Variants in NTN1 observed in about 807,000 individuals in gnomAD.
NTN1 encodes netrin 1.
In NTN1, 11 loss-of-function variants were observed where a neutral mutation model predicts 54.2. The ratio of observed to expected loss-of-function variants is 0.20; its 90% CI spans 0.13 to 0.34. The LOEUF is 0.34. Among genes scored for constraint, NTN1 ranks in the 10% least tolerant of loss-of-function variants. NTN1 has a pLI of 1.00. For missense variants in NTN1, 740 were observed against 893.1 expected (o/e 0.83, Z 2.18); for synonymous variants, 371 against 382.0 (o/e 0.97, Z 0.33).
At chr17:9,228,325 AG>A (rs1905670163) in intron 6 of NTN1, among the ~76,000 whole-genome samples, 1 of 152,214 alleles carries the variant, frequency 6.6e-6, no homozygotes, top group Non-Finnish European at 1.5e-5. Flanking sequence ...GCATAGCACG[AG>A]GAAACGGGAG....
rs1273839289 is a variant in NTN1 at position 9,218,601 on chromosome 17, G to A, written c.1412-2567G>A. ...GGGACAGTGACGCTGAAGGGACAGG[G>A]GCAGGCTGTCCCAGGACTCATCTGC... On this transcript the variant is annotated intron_variant, in intron 5 of 6. Coordinates refer to ENST00000173229, the MANE Select transcript of NTN1 (RefSeq NM_004822.3). Among the ~76,000 whole-genome samples, 4 of 152,144 alleles carry A rather than the reference G, an allele frequency of 2.6e-5. No homozygotes were observed. In the South Asian group the frequency reaches 8.3e-4, roughly 32 times the overall value.
intron 5 of NTN1, among the ~76,000 whole-genome samples, chr17:9,193,935 A>AAAAAAAAAAAC (rs1555574987): frequency 6.5e-5 from 8 of 123,634 alleles, no homozygotes; most frequent in South Asian, 5.2e-4. Flanking sequence ...AAAAAAAAAA[A>AAAAAAAAAAAC]AAAAAAAAAC....
At chr17:9,167,756 G>A (rs2092377067) in intron 3 of NTN1, among the ~76,000 whole-genome samples, 1 of 128,952 alleles carries the variant, frequency 7.8e-6, no homozygotes, top group Non-Finnish European at 1.7e-5. Flanking sequence ...GGGAGGAAAT[G>A]AACACCACAG....
At chr17:9,005,081 C>A in the NTN1 span, among the ~76,000 whole-genome samples, 3 of 152,290 alleles carry the variant, frequency 2.0e-5, no homozygotes, top group South Asian at 6.2e-4. Flanking sequence ...GCACCGCTCC[C>A]ACCACTGACC....
intron 6 of NTN1, among the ~76,000 whole-genome samples, chr17:9,235,847 T>C (rs1905970753): frequency 6.6e-6 from 1 of 151,694 alleles, no homozygotes. Context: ...CTCTGCCTCT[T>C]GGGCTCAAGC....
intron 2 of NTN1, among the ~76,000 whole-genome samples, chr17:9,125,737 CT>C (rs2092245305): frequency 6.6e-6 from 1 of 151,984 alleles, no homozygotes; most frequent in Admixed American, 6.6e-5. Context: ...TCCCAAAGTG[CT>C]GAGATTACAG....
intron 2 of NTN1, among the ~76,000 whole-genome samples, chr17:9,085,064 G>C (rs1447819342): frequency 6.6e-6 from 1 of 152,220 alleles, no homozygotes; most frequent in Non-Finnish European, 1.5e-5. Flanking sequence ...GAAGTGAGCT[G>C]TGTGACTTGG....
chr17:9,109,051 A>G (rs1263028880), intron 2 of NTN1, among the ~76,000 whole-genome samples: 1 of 151,704 alleles, frequency 6.6e-6, no homozygotes, highest in East Asian at 1.9e-4. Context: ...TAATTTTTGT[A>G]TTTTTAGTAG....
At chr17:9,085,274 C>A (rs2092086585) in intron 2 of NTN1, among the ~76,000 whole-genome samples, 1 of 152,228 alleles carries the variant, frequency 6.6e-6, no homozygotes, top group African/African-American at 2.4e-5. Flanking sequence ...CTCTGGGGGG[C>A]TATCCTCAGC....
At chr17:9,057,935 T>G (rs2142204571) in intron 2 of NTN1, among the ~76,000 whole-genome samples, 1 of 152,382 alleles carries the variant, frequency 6.6e-6, no homozygotes, top group South Asian at 2.1e-4. Context: ...TTGTCCAGGC[T>G]GGAGTGCAGT....
intron 5 of NTN1, among the ~76,000 whole-genome samples, chr17:9,193,935 A>AACAAAAAAC (rs1555574989): frequency 1.5e-4 from 19 of 123,634 alleles, no homozygotes; most frequent in Admixed American, 1.4e-3. Context: ...AAAAAAAAAA[A>AACAAAAAAC]AAAAAAAAAC....
chr17:9,025,655 A>G (rs1470817074), intron 2 of NTN1, among the ~76,000 whole-genome samples: 1 of 152,236 alleles, frequency 6.6e-6, no homozygotes, highest in African/African-American at 2.4e-5. Flanking sequence ...ATAGCTGGGA[A>G]CATCAGATTG....
chr17:9,216,147 G>A (rs894971307), intron 5 of NTN1, among the ~76,000 whole-genome samples: 1 of 152,140 alleles, frequency 6.6e-6, no homozygotes, highest in African/African-American at 2.4e-5. Flanking sequence ...TTTAAGGGAC[G>A]GAATTTTGCA....
chr17:9,034,509 G>A (rs949736623), intron 2 of NTN1, among the ~76,000 whole-genome samples: 3 of 148,662 alleles, frequency 2.0e-5, no homozygotes, highest in Admixed American at 6.8e-5. Context: ...TACAGCCTCC[G>A]CCTCTCAGAT....
At chr17:9,163,477 A>AACACACACACACACACAC (rs55765967) in intron 3 of NTN1, among the ~76,000 whole-genome samples, 2 of 142,684 alleles carry the variant, frequency 1.4e-5, no homozygotes, top group Admixed American at 1.4e-4. Flanking sequence ...TCCCCCCCGA[A>AACACACACACACACACAC]ACACACACAC....
At chr17:9,095,616 C>A (rs940440284) in intron 2 of NTN1, among the ~76,000 whole-genome samples, 2 of 152,158 alleles carry the variant, frequency 1.3e-5, no homozygotes, top group Non-Finnish European at 2.9e-5. Flanking sequence ...ATATTTTAAT[C>A]ATTTTAGGGC....
chr17:9,044,297 C>T (rs551031487), intron 2 of NTN1, among the ~76,000 whole-genome samples: 229 of 151,720 alleles, frequency 1.5e-3, no homozygotes, highest in African/African-American at 5.2e-3. Flanking sequence ...TGCAATGGCG[C>T]GATCTCGGCT....
At chr17:9,203,905 C>CT (rs1487394825) in intron 5 of NTN1, among the ~76,000 whole-genome samples, 3 of 152,156 alleles carry the variant, frequency 2.0e-5, no homozygotes, top group South Asian at 2.1e-4. Flanking sequence ...ACCATGCCCT[C>CT]TAAGTTTGAA....
At chr17:9,168,287 C>A (rs1381313580) in intron 3 of NTN1, among the ~76,000 whole-genome samples, 3 of 152,052 alleles carry the variant, frequency 2.0e-5, no homozygotes, top group Admixed American at 6.5e-5. Context: ...AATCCCAACA[C>A]TTTGGGAGGC....
Sources: gnomAD v4.1 joint callset for allele counts (sites outside exome capture counted in the v4.1 genomes callset) on GRCh38, gnomAD v4.1.1 for gene constraint, MANE v1.5 for transcripts, NCBI Gene and HGNC (gene_info 2026-07-23, HGNC 2026-07-21) for gene names.